PCDHGA1: variants seen among roughly 807,000 people sequenced by gnomAD.
The protein encoded by PCDHGA1 is protocadherin gamma-A1.
Under a neutral mutation model 58.0 loss-of-function variants are expected in PCDHGA1, and 32 were observed. That is an observed-to-expected ratio of 0.55 (90% confidence interval 0.42 to 0.74). PCDHGA1 has a LOEUF of 0.74. Ranked by LOEUF, PCDHGA1 falls within the 30% of genes least tolerant of loss-of-function variation. The pLI is 0.00. For missense variants in PCDHGA1, 1,205 were observed against 1,182.3 expected (o/e 1.02, Z -0.28); for synonymous variants, 498 against 501.1 (o/e 0.99, Z 0.08).
At chr5:141,501,628 C>T (rs1217355708) in intron 2 of PCDHGA1, among the ~76,000 whole-genome samples, 1 of 152,112 alleles carries the variant, frequency 6.6e-6, no homozygotes, top group Non-Finnish European at 1.5e-5. Flanking sequence ...TATAGTCTCT[C>T]AACCTCTCTG....
intron 1 of PCDHGA1, chr5:141,478,291 C>T: frequency 1.9e-6 from 3 of 1,614,144 alleles, no homozygotes; most frequent in East Asian, 2.2e-5. Context: ...AGTCTAGAGA[C>T]CTATACCGAG....
chr5:141,340,348 C>G, intron 1 of PCDHGA1: 1 of 1,614,192 alleles, frequency 6.2e-7, no homozygotes, highest in Non-Finnish European at 8.5e-7. Context: ...CCTACTCCAC[C>G]TACATTCCCG....
intron 1 of PCDHGA1, among the ~76,000 whole-genome samples, chr5:141,444,770 C>A (rs1382748105): frequency 2.6e-5 from 4 of 152,078 alleles, no homozygotes; most frequent in African/African-American, 9.7e-5. Context: ...TTTCTATATT[C>A]TTGATCATGT....
At chr5:141,370,775 C>T (rs1767193256) in intron 1 of PCDHGA1, 2 of 1,613,848 alleles carry the variant, frequency 1.2e-6, no homozygotes, top group South Asian at 1.1e-5. Flanking sequence ...AGGATATTAA[C>T]GACAACCCAC....
intron 1 of PCDHGA1, chr5:141,409,675 AG>A (rs2095301185): frequency 1.9e-6 from 3 of 1,613,304 alleles, no homozygotes; most frequent in African/African-American, 2.7e-5. Flanking sequence ...CCTACTCTAT[AG>A]TGGCGAGTGA....
Position 141,371,934 on chromosome 5 carries a change from G to T in PCDHGA1, c.2421+38829G>T, listed in dbSNP as rs1024560538. On this transcript the variant is annotated intron_variant, in intron 1 of 3. Coordinates refer to ENST00000517417, the MANE Select transcript of PCDHGA1 (RefSeq NM_018912.3). The stretch of plus-strand genomic sequence containing the variant: ...GTCCGTGAGCGCGCGGAGCGGGGTG[G>T]TGTTCGCGCAGCGAGCCTTCGACCA... The T allele has an allele frequency of 3.1e-6, 5 of 1,613,324 alleles. No individual in the cohort carries two copies. In the Admixed American group the frequency reaches 8.3e-5, roughly 27 times the overall value.
intron 1 of PCDHGA1, chr5:141,419,592 T>C (rs1561782617): frequency 6.2e-7 from 1 of 1,611,670 alleles, no homozygotes. Context: ...TTCGACACAG[T>C]GCCGCGGGCC....
intron 1 of PCDHGA1, chr5:141,418,548 T>C: frequency 6.2e-7 from 1 of 1,613,964 alleles, no homozygotes; most frequent in Non-Finnish European, 8.5e-7. Flanking sequence ...CAGATAAGAA[T>C]CCTGGTAATA....
intron 1 of PCDHGA1, among the ~76,000 whole-genome samples, chr5:141,386,520 G>T (rs976508801): frequency 0.014 from 2 of 142 alleles, no homozygotes; most frequent in Non-Finnish European, 0.032. Flanking sequence ...TTCAAAAAAA[G>T]ACTCTTTTTA....
At position 141,476,251 on chromosome 5, in the gene PCDHGA1, C is replaced by T; in HGVS notation, c.2422-18556C>T. On this transcript the variant is annotated intron_variant, in intron 1 of 3. Coordinates refer to ENST00000517417, the MANE Select transcript of PCDHGA1 (RefSeq NM_018912.3). This position sits in a 1 kb window ranked among gnomAD's most constrained non-coding sequence, Gnocchi z 7.6. The stretch of plus-strand genomic sequence containing the variant: ...TCCCGGAGGAAAGAGAGAAGGGTTT[C>T]GCTGTGGGCAACGTGGTCGCGAACC... 1 of 1,613,866 alleles carries T rather than the reference C, an allele frequency of 6.2e-7. No homozygotes were observed. The highest frequency in any genetic ancestry group is 8.5e-7 in the Non-Finnish European group (1 of 1,179,978).
intron 1 of PCDHGA1, chr5:141,400,044 G>T: frequency 1.2e-6 from 2 of 1,613,672 alleles, no homozygotes; most frequent in Non-Finnish European, 1.7e-6. Context: ...AGCGCCTGCT[G>T]GTTGCTGTGC....
At chr5:141,464,091 T>G (rs2099075583) in intron 1 of PCDHGA1, among the ~76,000 whole-genome samples, 1 of 151,812 alleles carries the variant, frequency 6.6e-6, no homozygotes, top group African/African-American at 2.4e-5. Flanking sequence ...ATGGTGAAAC[T>G]CCGTCTCTAC....
chr5:141,422,421 T>C, intron 1 of PCDHGA1: 1 of 1,607,810 alleles, frequency 6.2e-7, no homozygotes, highest in Non-Finnish European at 8.5e-7. Context: ...TAGAAAAGAC[T>C]TATGGAAATT....
chr5:141,430,933 G>C (rs2097327058), intron 1 of PCDHGA1: 1 of 1,607,608 alleles, frequency 6.2e-7, no homozygotes, highest in East Asian at 2.2e-5. Flanking sequence ...AGCCCCGGGA[G>C]CTCGCGGAGC....
intron 1 of PCDHGA1, chr5:141,352,456 G>T: frequency 1.9e-6 from 3 of 1,614,010 alleles, no homozygotes; most frequent in Non-Finnish European, 2.5e-6. Context: ...CCAAGTCTGG[G>T]CCCGGGGTTC....
Position 141,487,193 on chromosome 5 carries a change from C to T in PCDHGA1, c.2422-7614C>T. 6.2e-7 allele frequency: 1 copy of T among 1,613,784 alleles called. No individual in the cohort carries two copies. Among genetic ancestry groups the T allele is most frequent in the Non-Finnish European group, 8.5e-7 (1 of 1,179,724 alleles). On this transcript the variant is annotated intron_variant, in intron 1 of 3. Transcript: ENST00000517417. The surrounding 1 kb of genome is among the most constrained non-coding windows in gnomAD (Gnocchi z 5.0). ...AGAGGAAGACACTCATCCAGTTGTC[C>T]CAGATCTTCGAGAATCTTCAGCTCC...
At chr5:141,370,619 T>C (rs760864223) in intron 1 of PCDHGA1, 1 of 1,613,966 alleles carries the variant, frequency 6.2e-7, no homozygotes, top group Non-Finnish European at 8.5e-7. Context: ...AGAAATTCTT[T>C]ACCGTGAGCC....
rs751047365 is a variant in PCDHGA1 at position 141,419,570 on chromosome 5, G to C, written c.2422-75237G>C. On this transcript the variant is annotated intron_variant, in intron 1 of 3. Transcript: ENST00000517417. ...GCTGTACCCTGCGCTGGGTCCCGAC[G>C]GCTCCGCGCTCTTCGACACAGTGCC... 5.6e-6 allele frequency: 9 copies of C among 1,611,766 alleles called. No individual in the cohort carries two copies. The South Asian group carries it at 8.8e-5, about 16-fold the overall frequency.
Position 141,476,855 on chromosome 5 carries a change from T to C in PCDHGA1, c.2422-17952T>C, listed in dbSNP as rs149491772. The C allele has an allele frequency of 3.2e-4, 519 of 1,613,836 alleles. 3 individuals carry two copies. The African/African-American group carries it at 6.2e-3, about 19-fold the overall frequency. Reference sequence around the variant, plus strand: ...TGACAATGCGCCTGTCTTCAACCAGTCCTTGTACCGGGCGCGCGTCCTGGA... The same window carrying C: ...TGACAATGCGCCTGTCTTCAACCAGCCCTTGTACCGGGCGCGCGTCCTGGA... On this transcript the variant is annotated intron_variant, in intron 1 of 3. Coordinates refer to ENST00000517417, the MANE Select transcript of PCDHGA1 (RefSeq NM_018912.3). This position sits in a 1 kb window ranked among gnomAD's most constrained non-coding sequence, Gnocchi z 7.6.
Sources: allele counts gnomAD v4.1 joint callset (sites outside exome capture counted in the v4.1 genomes callset), GRCh38; gene constraint gnomAD v4.1.1; non-coding constraint Gnocchi (gnomAD v3.1); transcripts MANE v1.5; gene names NCBI Gene and HGNC (gene_info 2026-07-23, HGNC 2026-07-21).